The following EYS variants were observed in gnomAD, a reference collection of about 807,000 sequenced individuals.
The protein encoded by EYS is protein eyes shut homolog.
A neutral mutation model predicts 282.1 loss-of-function variants in EYS; 250 were observed. That is an observed-to-expected ratio of 0.89 (90% CI 0.80 to 0.98). The LOEUF (loss-of-function observed/expected upper bound fraction) is 0.98. Ranked by LOEUF, EYS falls within the 50% of genes least tolerant of loss-of-function variation. The pLI, the probability that EYS is intolerant of heterozygous loss-of-function variation, is 0.00. For synonymous variants in EYS, 1,355 were observed against 1,282.9 expected (o/e 1.06, Z -1.20); for missense variants, 4,016 against 3,709.0 (o/e 1.08, Z -2.15).
At chr6:64,748,402 G>C (rs935503580) in intron 22 of EYS, among the ~76,000 whole-genome samples, 1 of 152,222 alleles carries the variant, frequency 6.6e-6, no homozygotes, top group African/African-American at 2.4e-5. Context: ...TTGGGCATTA[G>C]ATTCTCATAA....
At position 63,721,737 on chromosome 6, in the gene EYS, T is replaced by A. The variant is rs1768403550; in HGVS notation, c.8294A>T (p.Asp2765Val). 4 of 1,551,050 alleles carry A rather than the reference T, an allele frequency of 2.6e-6. No individual in the cohort carries two copies. The highest frequency in any genetic ancestry group is 3.5e-6 in the Non-Finnish European group (4 of 1,146,428). The change falls in exon 43 of 43, where the codon GAC (aspartate) becomes GTC (valine). Residue 2765 changes from aspartate to valine, a missense_variant. Physicochemically the swap from Asp to Val is radical, Grantham distance 152. Transcript: ENST00000503581. ...SSVQLRYNLG[D>V]RTIILETLQK... ...GAGAGTTTCTAGAATGATAGTTCTG[T>A]CGCCAAGGTTGTAGCGAAGTTGAAC...
intron 28 of EYS, among the ~76,000 whole-genome samples, chr6:64,398,156 G>A (rs752347668): frequency 1.4e-4 from 21 of 151,816 alleles, no homozygotes; most frequent in Non-Finnish European, 2.5e-4. Context: ...AGTAACTGCT[G>A]AACACCATAA....
At chr6:65,469,459 T>G (rs1030534843) in intron 5 of EYS, among the ~76,000 whole-genome samples, 1 of 152,112 alleles carries the variant, frequency 6.6e-6, no homozygotes, top group African/African-American at 2.4e-5. Context: ...AAGGACATAA[T>G]GTTTTCATAT....
intron 36 of EYS, among the ~76,000 whole-genome samples, chr6:63,853,693 A>G (rs1387693605): frequency 6.6e-6 from 1 of 152,236 alleles, no homozygotes; most frequent in Non-Finnish European, 1.5e-5. Flanking sequence ...CTAAGCAAAA[A>G]GAACAAAGCT....
intron 22 of EYS, among the ~76,000 whole-genome samples, chr6:64,715,266 G>A (rs940991323): frequency 1.4e-4 from 21 of 152,262 alleles, no homozygotes; most frequent in African/African-American, 5.1e-4. Flanking sequence ...TGGGGGTGAT[G>A]GGAGACAGTG....
chr6:65,517,611 T>TC (rs1767192064), intron 2 of EYS, among the ~76,000 whole-genome samples: 1 of 152,030 alleles, frequency 6.6e-6, no homozygotes, highest in Non-Finnish European at 1.5e-5. Context: ...TATCAACTTA[T>TC]CTGTGCTAAA....
At chr6:64,746,987 G>A (rs1374543511) in intron 22 of EYS, among the ~76,000 whole-genome samples, 1 of 152,218 alleles carries the variant, frequency 6.6e-6, no homozygotes, top group African/African-American at 2.4e-5. Flanking sequence ...CCTGCCTGGA[G>A]CTGTCTTCCT....
At chr6:63,791,336 C>T (rs1444960409) in intron 37 of EYS, among the ~76,000 whole-genome samples, 5 of 152,016 alleles carry the variant, frequency 3.3e-5, no homozygotes, top group Admixed American at 1.3e-4. Context: ...GAGACCGAGG[C>T]GGGCAGATCA....
chr6:64,051,348 T>G (rs1485932251), intron 33 of EYS, among the ~76,000 whole-genome samples: 1 of 152,180 alleles, frequency 6.6e-6, no homozygotes, highest in Non-Finnish European at 1.5e-5. Flanking sequence ...TAGAGTTATA[T>G]GTGTCCTTTC....
At chr6:64,451,457 T>C (rs986073747) in intron 26 of EYS, among the ~76,000 whole-genome samples, 13 of 152,290 alleles carry the variant, frequency 8.5e-5, no homozygotes, top group African/African-American at 3.1e-4. Flanking sequence ...CCATTCCTTC[T>C]GAAACTATTC....
chr6:64,324,046 T>A (rs1770316470), intron 29 of EYS, among the ~76,000 whole-genome samples: 2 of 152,134 alleles, frequency 1.3e-5, no homozygotes, highest in Admixed American at 6.6e-5. Flanking sequence ...TCACCCTAAC[T>A]TTTGACAGCT....
At chr6:64,112,355 C>T (rs980716437) in intron 31 of EYS, among the ~76,000 whole-genome samples, 3 of 151,936 alleles carry the variant, frequency 2.0e-5, no homozygotes, top group Non-Finnish European at 2.9e-5. Flanking sequence ...CCCAAAGCAG[C>T]GACTGGGTGG....
chr6:65,538,273 A>G (rs1035312293), intron 2 of EYS, among the ~76,000 whole-genome samples: 2 of 152,124 alleles, frequency 1.3e-5, no homozygotes, highest in East Asian at 3.8e-4. Context: ...ATAATAAAGA[A>G]TAATAATAAG....
chr6:64,286,562 A>T (rs561899948), intron 30 of EYS, among the ~76,000 whole-genome samples: 54 of 152,298 alleles, frequency 3.5e-4, no homozygotes, highest in African/African-American at 9.6e-4. Context: ...CTTTGCACAG[A>T]TATTGCAGAA....
chr6:64,899,660 A>G (rs1013301515), intron 18 of EYS, among the ~76,000 whole-genome samples: 1 of 151,998 alleles, frequency 6.6e-6, no homozygotes, highest in South Asian at 2.1e-4. Flanking sequence ...ATACCTAGGA[A>G]TACAACTTAC....
chr6:64,944,941 A>G (rs1179698026), intron 15 of EYS, among the ~76,000 whole-genome samples: 11 of 151,944 alleles, frequency 7.2e-5, no homozygotes, highest in Non-Finnish European at 1.0e-4. Flanking sequence ...ATTATGACAT[A>G]GATTCTATTG....
intron 31 of EYS, among the ~76,000 whole-genome samples, chr6:64,203,970 G>A (rs1225670543): frequency 6.6e-6 from 1 of 152,014 alleles, no homozygotes; most frequent in Admixed American, 6.6e-5. Flanking sequence ...AAATACATTA[G>A]TATCCAATAT....
At chr6:64,418,705 C>G (rs1363908533) in intron 28 of EYS, among the ~76,000 whole-genome samples, 1 of 152,000 alleles carries the variant, frequency 6.6e-6, no homozygotes, top group African/African-American at 2.4e-5. Flanking sequence ...GTCTTGCATA[C>G]CTGAGTTATT....
At chr6:65,191,311 A>G (rs983119179) in intron 12 of EYS, among the ~76,000 whole-genome samples, 1 of 151,868 alleles carries the variant, frequency 6.6e-6, no homozygotes, top group Non-Finnish European at 1.5e-5. Context: ...AGCGATAAGA[A>G]TAGTGAATAT....
Sources: gnomAD v4.1 joint callset for allele counts (sites outside exome capture counted in the v4.1 genomes callset) on GRCh38, gnomAD v4.1.1 for gene constraint, MANE v1.5 for transcripts, NCBI Gene and HGNC (gene_info 2026-07-23, HGNC 2026-07-21) for gene names.